Variants in PSMD1 observed in about 807,000 individuals in gnomAD.
PSMD1 encodes proteasome 26S subunit, non-ATPase 1, also known as 26S proteasome non-ATPase regulatory subunit 1.
PSMD1 carries 18 observed loss-of-function variants against 119.0 expected under a neutral mutation model. The observed-to-expected ratio is 0.15, with a 90% confidence interval of 0.10 to 0.22. The LOEUF (loss-of-function observed/expected upper bound fraction) is 0.22, where lower values mean the gene tolerates loss of function less well. Ranked by LOEUF, PSMD1 falls within the 10% of genes least tolerant of loss-of-function variation. PSMD1 has a pLI of 1.00. For synonymous variants in PSMD1, 374 were observed against 396.6 expected, an observed-to-expected ratio of 0.94 and a Z score of 0.68; for missense variants, 702 against 1,158.5, an observed-to-expected ratio of 0.61 and a Z score of 5.72.
intron 19 of PSMD1, among the ~76,000 whole-genome samples, chr2:231,157,582 T>C (rs1022012755): frequency 2.7e-5 from 4 of 145,608 alleles, no homozygotes; most frequent in Non-Finnish European, 4.6e-5. Context: ...AAAGTTCTTT[T>C]TTTTGGGGGG....
At chr2:231,077,210 T>C in intron 9 of PSMD1, 48 bp downstream of exon 9, 3 of 1,232,888 alleles carry the variant, frequency 2.4e-6, no homozygotes, top group South Asian at 3.6e-5. Flanking sequence ...ATTTAGTTCT[T>C]TGTTGCATAT....
intron 16 of PSMD1, among the ~76,000 whole-genome samples, chr2:231,111,610 A>T (rs1481150580): frequency 1.3e-5 from 2 of 152,184 alleles, no homozygotes; most frequent in East Asian, 1.9e-4. Flanking sequence ...TTCAGAACTG[A>T]GCTTATTGTC....
intron 16 of PSMD1, 74 bp downstream of exon 16, chr2:231,087,255 C>T (rs1694475763): frequency 2.3e-6 from 3 of 1,292,230 alleles, no homozygotes; most frequent in Non-Finnish European, 1.1e-6. Flanking sequence ...ACCGAAACTA[C>T]CAAACAGTTT....
rs1695608122 is a variant in PSMD1 at position 231,123,263 on chromosome 2, A to G, written c.1884-15473A>G. On this transcript the variant is annotated intron_variant, in intron 16 of 24. Transcript: ENST00000308696. ...CTGCTGATCAACCATAGAGAATGAT[A>G]TAAAACAAGGGACTGTTTACTTGCC... 9 of 698,542 alleles carry G rather than the reference A, an allele frequency of 1.3e-5. No homozygotes were observed. The South Asian group carries it at 1.4e-4, about 11-fold the overall frequency. 43.3% of individuals were successfully genotyped at this position (698,542 alleles called of 1,614,324 possible). A position where few individuals can be genotyped will look rare whatever the true frequency, so the allele number is the denominator to read the frequency against.
chr2:231,076,404 T>C (rs753004404), intron 8 of PSMD1, among the ~76,000 whole-genome samples: 1 of 152,210 alleles, frequency 6.6e-6, no homozygotes, highest in African/African-American at 2.4e-5. Flanking sequence ...CTGTGGTTCA[T>C]GCATGTAATC....
intron 18 of PSMD1, among the ~76,000 whole-genome samples, chr2:231,147,076 C>G (rs1056668326): frequency 6.6e-6 from 1 of 152,218 alleles, no homozygotes; most frequent in South Asian, 2.1e-4. Context: ...ATTCTGTAAA[C>G]TTGGAGTGAG....
chr2:231,092,225 G>T (rs1398526559), intron 16 of PSMD1, among the ~76,000 whole-genome samples: 1 of 152,094 alleles, frequency 6.6e-6, no homozygotes, highest in Admixed American at 6.5e-5. Flanking sequence ...GTGTCAAATT[G>T]GTGGGAATGC....
rs1475782138 is a variant in PSMD1 at position 231,131,679 on chromosome 2, G to A, written c.1884-7057G>A. ...TGGGAGGCTGAGGCAGGAGAATGGC[G>A]TGAACCCGGGAGGCGGAGCTTGCAG... On this transcript the variant is annotated intron_variant, in intron 16 of 24. Transcript: ENST00000308696. 4.3e-5 allele frequency among the ~76,000 whole-genome samples: 3 copies of A among 69,446 alleles called. 1 individual carries two copies. The highest frequency in any genetic ancestry group is 6.9e-5 in the Non-Finnish European group (3 of 43,266). 45.6% of individuals were successfully genotyped at this position (69,446 alleles called of 152,430 possible).
At chr2:231,106,316 T>C (rs779433036) in intron 16 of PSMD1, among the ~76,000 whole-genome samples, 3 of 152,154 alleles carry the variant, frequency 2.0e-5, no homozygotes, top group Non-Finnish European at 4.4e-5. Context: ...TAGAAAGATC[T>C]CTGGGTTAAT....
intron 19 of PSMD1, among the ~76,000 whole-genome samples, chr2:231,154,522 C>T (rs1463185599): frequency 6.6e-6 from 1 of 152,212 alleles, no homozygotes; most frequent in Admixed American, 6.5e-5. Context: ...AGCCGGAGTG[C>T]AGTGGCGCAA....
chr2:231,143,488 A>G (rs2125251856), intron 17 of PSMD1, among the ~76,000 whole-genome samples: 1 of 152,302 alleles, frequency 6.6e-6, no homozygotes, highest in South Asian at 2.1e-4. Context: ...TCGGCCTCCC[A>G]AAGTGCTGGG....
intron 16 of PSMD1, chr2:231,113,967 T>C: frequency 1.3e-6 from 2 of 1,556,318 alleles, no homozygotes; most frequent in Non-Finnish European, 1.8e-6. Flanking sequence ...TTTTATTCTA[T>C]AAAATGGCAA....
chr2:231,063,543 T>C (rs1693813122), intron 4 of PSMD1, among the ~76,000 whole-genome samples: 1 of 152,222 alleles, frequency 6.6e-6, no homozygotes, highest in Non-Finnish European at 1.5e-5. Flanking sequence ...GTATTCTCTT[T>C]TAGAAATTGG....
intron 16 of PSMD1, among the ~76,000 whole-genome samples, chr2:231,130,955 TAACTG>T (rs1695839653): frequency 6.6e-6 from 1 of 152,198 alleles, no homozygotes; most frequent in African/African-American, 2.4e-5. Context: ...TTATTGAAAA[TAACTG>T]AAAGAAAGCC....
chr2:231,086,148 C>G (rs1694434195), intron 15 of PSMD1, among the ~76,000 whole-genome samples: 2 of 152,014 alleles, frequency 1.3e-5, no homozygotes, highest in African/African-American at 4.8e-5. Context: ...TCAAGTGATC[C>G]TCCTCCTACC....
In PSMD1 at chr2:231,082,954, T is replaced by C; in HGVS notation, c.1485T>C (p.Asp495=). The part of the protein sequence containing the change: ...AMGTARQDVY[D]LLKTNLYQDD... ...GAACTGCACGTCAAGATGTTTATGA[T>C]TTGCTAAAAACAAACCTTTATCAGG... Residue 495 remains aspartate, a synonymous_variant, in exon 13 of 25, where the codon GAT becomes GAC. Coordinates refer to ENST00000308696, the MANE Select transcript of PSMD1 (RefSeq NM_002807.4). The C allele has an allele frequency of 1.2e-6, 2 of 1,614,098 alleles. No homozygotes were observed. Among genetic ancestry groups the C allele is most frequent in the Non-Finnish European group, 1.7e-6 (2 of 1,179,934 alleles).
chr2:231,116,833 G>A (rs1695353285), intron 16 of PSMD1, among the ~76,000 whole-genome samples: 1 of 152,064 alleles, frequency 6.6e-6, no homozygotes, highest in Non-Finnish European at 1.5e-5. Context: ...AAATTTATAA[G>A]AGAGATGAAT....
chr2:231,134,355 C>T (rs569147707), intron 16 of PSMD1, among the ~76,000 whole-genome samples: 1 of 152,088 alleles, frequency 6.6e-6, no homozygotes, highest in Non-Finnish European at 1.5e-5. Context: ...GATTTAGAAC[C>T]GCTGTATCAG....
rs1434876557 is a variant in PSMD1 at position 231,129,767 on chromosome 2, A to T, written c.1884-8969A>T. ...GGGAAAGAAAATTGTTTTCTTTCTCAGCTTTTTCCCTGAAAATGTTTTATG... is the reference window on the plus strand; with the variant it reads ...GGGAAAGAAAATTGTTTTCTTTCTCTGCTTTTTCCCTGAAAATGTTTTATG... On this transcript the variant is annotated intron_variant, in intron 16 of 24. Coordinates refer to ENST00000308696, the MANE Select transcript of PSMD1 (RefSeq NM_002807.4). Among the ~76,000 whole-genome samples the T allele has an allele frequency of 2.6e-5, 4 of 152,262 alleles. No homozygotes were observed. In the East Asian group the frequency reaches 7.7e-4, roughly 29 times the overall value.
Sources: allele counts gnomAD v4.1 joint callset (sites outside exome capture counted in the v4.1 genomes callset), GRCh38; gene constraint gnomAD v4.1.1; transcripts MANE v1.5; gene names NCBI Gene and HGNC (gene_info 2026-07-23, HGNC 2026-07-21).